Variants in DYDC2 observed in about 807,000 individuals in gnomAD.
The protein encoded by DYDC2 is DPY30 domain containing 2, also known as DPY30 domain-containing protein 2.
In DYDC2, 19 loss-of-function variants were observed where a neutral mutation model predicts 18.7. The ratio of observed to expected loss-of-function variants is 1.02; its 90% CI spans 0.71 to 1.49. The LOEUF (loss-of-function observed/expected upper bound fraction) is 1.49, where lower values mean the gene tolerates loss of function less well. DYDC2 is among the 40% of genes most tolerant of loss of function. The pLI is 0.00. For missense variants in DYDC2, 179 were observed against 205.1 expected (o/e 0.87, Z 0.78); for synonymous variants, 63 against 67.6 (o/e 0.93, Z 0.34).
At chr10:80,364,938 G>A (rs1843781264) in intron 4 of DYDC2, among the ~76,000 whole-genome samples, 1 of 152,168 alleles carries the variant, frequency 6.6e-6, no homozygotes, top group Admixed American at 6.5e-5. Context: ...GTATCAAAAA[G>A]ACAAGATTCC....
chr10:80,366,055 C>T (rs1344512670), intron 4 of DYDC2, among the ~76,000 whole-genome samples: 6 of 89,886 alleles, frequency 6.7e-5, no homozygotes, highest in Non-Finnish European at 9.8e-5. Context: ...TTTTTTGAGA[C>T]GGAGTCTCAC....
intron 1 of DYDC2, among the ~76,000 whole-genome samples, chr10:80,347,902 G>A (rs941660902): frequency 2.0e-5 from 3 of 152,072 alleles, no homozygotes; most frequent in Admixed American, 1.3e-4. Flanking sequence ...TTCCAACTTC[G>A]TTTTTCTTTC....
chr10:80,349,082 G>A (rs1372738245), intron 1 of DYDC2, among the ~76,000 whole-genome samples: 9 of 152,174 alleles, frequency 5.9e-5, no homozygotes, highest in Non-Finnish European at 2.9e-5. Context: ...TAGTAGAGAC[G>A]GGGTTTCACC....
chr10:80,355,890 CT>C (rs1344243000), upstream of DYDC2, among the ~76,000 whole-genome samples: 4 of 151,256 alleles, frequency 2.6e-5, no homozygotes, highest in Admixed American at 2.0e-4. Context: ...TTACAACTGA[CT>C]TTGGAACACA....
At chr10:80,358,990 G>A (rs1843570455) in intron 2 of DYDC2, among the ~76,000 whole-genome samples, 3 of 152,232 alleles carry the variant, frequency 2.0e-5, no homozygotes, top group African/African-American at 4.8e-5. Context: ...CAAACAATGA[G>A]CAGCAGCAAG....
chr10:80,347,971 G>A (rs998318838), intron 1 of DYDC2, among the ~76,000 whole-genome samples: 43 of 152,210 alleles, frequency 2.8e-4, no homozygotes, highest in African/African-American at 7.7e-4. Context: ...TTAGAATTGG[G>A]TTTTTCTGTT....
At position 80,363,018 on chromosome 10, in the gene DYDC2, A is replaced by T. The variant is rs1843710637; in HGVS notation, c.215A>T (p.Glu72Val). ...AGCCTCAAGGAAATGGAAATGACAG[A>T]AATGCTGAAACAGGAAGAGTATCAG... is the stretch of plus-strand genomic sequence containing the variant. ...DSSLKEMEMT[E>V]MLKQEEYQIQ... Residue 72 changes from glutamate to valine, a missense_variant, in exon 4 of 5, where the codon GAA becomes GTA. Coordinates refer to ENST00000256039, the MANE Select transcript of DYDC2 (RefSeq NM_032372.6). 6.2e-7 allele frequency: 1 copy of T among 1,614,056 alleles called. No homozygotes were observed.
intron 1 of DYDC2, among the ~76,000 whole-genome samples, chr10:80,346,755 C>T (rs111442768): frequency 0.07 from 10,582 of 151,852 alleles, 867 homozygotes; most frequent in African/African-American, 0.18. Context: ...CCACTGCCCC[C>T]GGCCATGTCT....
Position 80,362,985 on chromosome 10 carries a change from A to G in DYDC2, c.182A>G (p.Tyr61Cys). ...REKKIHLQEE[Y>C]DSSLKEMEMT... ...AAGAAGATCCACCTGCAGGAGGAAT[A>G]TGACAGTAGCCTCAAGGAAATGGAA... The change falls in exon 4 of 5, where the codon TAT becomes TGT. Residue 61 changes from tyrosine to cysteine, a missense_variant. Coordinates refer to ENST00000256039, the MANE Select transcript of DYDC2 (RefSeq NM_032372.6). 3.1e-6 allele frequency: 5 copies of G among 1,614,054 alleles called. No individual in the cohort carries two copies. The highest frequency in any genetic ancestry group is 4.2e-6 in the Non-Finnish European group (5 of 1,179,986).
chr10:80,357,523 C>T (rs79455772), intron 1 of DYDC2, among the ~76,000 whole-genome samples: 4,691 of 152,146 alleles, frequency 0.031, 188 homozygotes, highest in South Asian at 0.16. Flanking sequence ...GAAGACCTTC[C>T]AGAGTCCCTG....
At chr10:80,351,572 A>G (rs192092099) in intron 1 of DYDC2, among the ~76,000 whole-genome samples, 1 of 151,866 alleles carries the variant, frequency 6.6e-6, no homozygotes, top group Non-Finnish European at 1.5e-5. Context: ...GATATGGTTG[A>G]CCACTCAGAT....
chr10:80,354,486 C>CAAAAA (rs1012219418), upstream of DYDC2: 2 of 69,296 alleles, frequency 2.9e-5, no homozygotes, highest in Non-Finnish European at 5.7e-5. Context: ...AACTTCGTCT[C>CAAAAA]AAAAAAAAAA....
At chr10:80,351,795 A>G, upstream of DYDC2, 1 of 958,270 alleles carries the variant, frequency 1.0e-6, no homozygotes, top group Non-Finnish European at 1.6e-6. Context: ...TTAGGAAGCC[A>G]TATCTAAATA....
chr10:80,357,601 T>C (rs1347343966), intron 1 of DYDC2, among the ~76,000 whole-genome samples: 3 of 152,166 alleles, frequency 2.0e-5, no homozygotes, highest in Admixed American at 1.3e-4. Context: ...CTCTTGCTGG[T>C]GACCTCTGCT....
intron 2 of DYDC2, among the ~76,000 whole-genome samples, chr10:80,358,602 C>A (rs564875181): frequency 5.3e-5 from 8 of 152,294 alleles, no homozygotes; most frequent in African/African-American, 1.9e-4. Flanking sequence ...CTAGAGAATG[C>A]AGAGTTGGTG....
intron 4 of DYDC2, among the ~76,000 whole-genome samples, chr10:80,363,680 T>C (rs1441484774): frequency 6.6e-6 from 1 of 152,180 alleles, no homozygotes; most frequent in Non-Finnish European, 1.5e-5. Context: ...TCTATTCACT[T>C]GGAACAAATA....
chr10:80,358,738 C>A (rs759473263), intron 2 of DYDC2, among the ~76,000 whole-genome samples: 1 of 152,184 alleles, frequency 6.6e-6, no homozygotes, highest in Non-Finnish European at 1.5e-5. Flanking sequence ...GATTCTGCAT[C>A]TCAACAAGTC....
At chr10:80,359,508 C>T (rs116928756) in intron 2 of DYDC2, among the ~76,000 whole-genome samples, 3,309 of 152,312 alleles carry the variant, frequency 0.022, 51 homozygotes, top group Non-Finnish European at 0.031. Flanking sequence ...CACTCCTCAG[C>T]CCTTGGGCGG....
At chr10:80,347,720 C>T (rs138999805) in intron 1 of DYDC2, among the ~76,000 whole-genome samples, 54 of 152,210 alleles carry the variant, frequency 3.5e-4, no homozygotes, top group Non-Finnish European at 7.2e-4. Flanking sequence ...ATCCTTTTCC[C>T]TTTGTGTTTT....
Sources: gnomAD v4.1 joint callset for allele counts (sites outside exome capture counted in the v4.1 genomes callset) on GRCh38, gnomAD v4.1.1 for gene constraint, MANE v1.5 for transcripts, NCBI Gene and HGNC (gene_info 2026-07-23, HGNC 2026-07-21) for gene names.